CDH23: variants seen among roughly 807,000 people sequenced by gnomAD.
The protein encoded by CDH23 is cadherin related 23.
CDH23 carries 189 observed loss-of-function variants against 317.1 expected under a neutral mutation model. The ratio of observed to expected loss-of-function variants is 0.60; its 90% CI spans 0.53 to 0.67. CDH23 has a LOEUF of 0.67. Among genes scored for constraint, CDH23 ranks in the 30% least tolerant of loss-of-function variants. The probability of loss-of-function intolerance (pLI) is 0.00; values close to 1 mark genes in which losing one functional copy is unlikely to be tolerated. For missense variants in CDH23, 4,401 were observed against 4,592.4 expected, an observed-to-expected ratio of 0.96 and a Z score of 1.20; for synonymous variants, 1,839 against 1,876.8, an observed-to-expected ratio of 0.98 and a Z score of 0.52.
At chr10:71,540,685 G>A (rs1035075751) in intron 6 of CDH23, among the ~76,000 whole-genome samples, 5 of 152,100 alleles carry the variant, frequency 3.3e-5, no homozygotes, top group Non-Finnish European at 5.9e-5. Flanking sequence ...CAGTTGTGCC[G>A]ACCAGGGCCC....
At position 71,546,946 on chromosome 10, in the gene CDH23, A is replaced by G. The variant is rs74855359; in HGVS notation, c.430-19796A>G. Among the ~76,000 whole-genome samples, 89 of 152,362 alleles carry G rather than the reference A, an allele frequency of 5.8e-4. No homozygotes were observed. The East Asian group carries it at 0.01, about 18-fold the overall frequency. ...ACTTCAGAGCTGGTATTTCCCAGCCATCTCATTAAATAGGCAGATGAGGGG... is the reference window on the plus strand; with the variant it reads ...ACTTCAGAGCTGGTATTTCCCAGCCGTCTCATTAAATAGGCAGATGAGGGG... On this transcript the variant is annotated intron_variant, in intron 6 of 69. Transcript: ENST00000224721.
intron 2 of CDH23, among the ~76,000 whole-genome samples, chr10:71,445,502 G>A (rs1850112633): frequency 1.3e-5 from 2 of 152,184 alleles, no homozygotes; most frequent in South Asian, 4.1e-4. Context: ...GAAAGACAAT[G>A]CAAGCCACAT....
intron 38 of CDH23, chr10:71,760,794 A>C: frequency 6.8e-7 from 1 of 1,464,378 alleles, no homozygotes; most frequent in Non-Finnish European, 9.6e-7. Context: ...CCAGAGTTCC[A>C]AACAGGGTCT....
intron 18 of CDH23, among the ~76,000 whole-genome samples, chr10:71,685,550 C>G (rs1221651889): frequency 1.3e-5 from 2 of 152,234 alleles, no homozygotes; most frequent in African/African-American, 4.8e-5. Context: ...TAAGAACCCA[C>G]CTCACTTTGC....
At chr10:71,776,646 T>C (rs768680671) in intron 38 of CDH23, among the ~76,000 whole-genome samples, 1 of 152,180 alleles carries the variant, frequency 6.6e-6, no homozygotes, top group Non-Finnish European at 1.5e-5. Context: ...ACCACTCACA[T>C]GTCCAAAGGG....
intron 9 of CDH23, among the ~76,000 whole-genome samples, chr10:71,582,851 G>A (rs902149435): frequency 6.6e-6 from 1 of 152,222 alleles, no homozygotes; most frequent in Non-Finnish European, 1.5e-5. Flanking sequence ...CTGCAGTTTG[G>A]TCAGGAGACA....
intron 11 of CDH23, among the ~76,000 whole-genome samples, chr10:71,619,067 G>A (rs190328447): frequency 1.4e-4 from 21 of 152,214 alleles, no homozygotes; most frequent in South Asian, 8.3e-4. Flanking sequence ...GGGCACAGTG[G>A]CTCACACCTG....
rs761261625 is a variant in CDH23 at position 71,705,072 on chromosome 10, G to A, written c.2895G>A (p.Val965=). 46 of 1,612,380 alleles carry A rather than the reference G, an allele frequency of 2.9e-5. No individual in the cohort carries two copies. The highest frequency in any genetic ancestry group is 3.9e-5 in the Non-Finnish European group (46 of 1,179,786). Residue 965 remains valine (V), a synonymous_variant, in exon 25 of 70, where the codon GTG becomes GTA. Transcript: ENST00000224721. ...GCATCGCGGAGTACCAGCTGCGGGT[G>A]GTGGCCAGTGATGCAGGCACGCCCA... is the stretch of plus-strand genomic sequence containing the variant. ...RERIAEYQLR[V]VASDAGTPTK...
intron 14 of CDH23, among the ~76,000 whole-genome samples, chr10:71,663,094 A>G (rs1191438692): frequency 2.6e-5 from 4 of 152,214 alleles, no homozygotes; most frequent in African/African-American, 9.6e-5. Flanking sequence ...AATCTTCCAC[A>G]TAATTATTTT....
At chr10:71,790,129 G>C (rs1840103220) in intron 45 of CDH23, among the ~76,000 whole-genome samples, 159 bp from the exon 46 acceptor site, 1 of 152,220 alleles carries the variant, frequency 6.6e-6, no homozygotes, top group Non-Finnish European at 1.5e-5. Context: ...AGTCTGCCAA[G>C]GCTGCCGCAG....
At chr10:71,717,617 A>C (rs1478252823) in intron 28 of CDH23, 3 of 152,268 alleles carry the variant, frequency 2.0e-5, no homozygotes, top group African/African-American at 7.2e-5. Flanking sequence ...CAGATAACAC[A>C]TGACCAGAGG....
chr10:71,575,305 G>A (rs564916634), intron 8 of CDH23, among the ~76,000 whole-genome samples: 126 of 152,252 alleles, frequency 8.3e-4, no homozygotes, highest in African/African-American at 2.6e-3. Flanking sequence ...CCCAAATAAA[G>A]TAACAATCAC....
In CDH23 at chr10:71,722,398, T is replaced by G. The variant is rs142472840; in HGVS notation, c.3370-1647T>G. ...GGCACAGATGGGCTCCTGGAATAAC[T>G]GGGCCCAAGGATGCAAACCAGGGCT... On this transcript the variant is annotated intron_variant, in intron 28 of 69. Coordinates refer to ENST00000224721, the MANE Select transcript of CDH23 (RefSeq NM_022124.6). 2.6e-3 allele frequency among the ~76,000 whole-genome samples: 394 copies of G among 152,346 alleles called. 2 individuals carry two copies. The highest frequency in any genetic ancestry group is 6.8e-3 in the Middle Eastern group (2 of 294).
intron 6 of CDH23, among the ~76,000 whole-genome samples, chr10:71,523,940 T>C (rs1854862500): frequency 6.6e-6 from 1 of 152,216 alleles, no homozygotes; most frequent in African/African-American, 2.4e-5. Flanking sequence ...CCAAGGGCAC[T>C]AGGCCACAGG....
intron 1 of CDH23, among the ~76,000 whole-genome samples, chr10:71,413,147 T>C (rs1219767055): frequency 1.3e-5 from 2 of 152,218 alleles, no homozygotes; most frequent in African/African-American, 2.4e-5. Flanking sequence ...TTTGAGTTAA[T>C]TTTTGTATAT....
chr10:71,735,392 C>T (rs961484897), intron 34 of CDH23, among the ~76,000 whole-genome samples: 11 of 152,162 alleles, frequency 7.2e-5, no homozygotes, highest in South Asian at 4.1e-4. Flanking sequence ...AGAGGCGGCC[C>T]GGCCTGAAGG....
intron 41 of CDH23, among the ~76,000 whole-genome samples, chr10:71,783,761 C>T (rs1223851412): frequency 1.3e-5 from 2 of 152,356 alleles, no homozygotes; most frequent in South Asian, 4.1e-4. Flanking sequence ...GGCTTCCCTG[C>T]CCCTCATCCG....
intron 14 of CDH23, among the ~76,000 whole-genome samples, chr10:71,673,277 A>G (rs1864222560): frequency 6.6e-6 from 1 of 152,142 alleles, no homozygotes; most frequent in African/African-American, 2.4e-5. Context: ...GGGGCCAAGG[A>G]GGTATGGTTT....
At chr10:71,812,443 T>TGCCAAC in intron 66 of CDH23, 37 bp from the exon 67 acceptor site, 1 of 1,538,024 alleles carries the variant, frequency 6.5e-7, no homozygotes, top group Non-Finnish European at 8.9e-7. Flanking sequence ...ACTCGAGCCT[T>TGCCAAC]CCCTCCCTCC....
Sources: gnomAD v4.1 joint callset for allele counts (sites outside exome capture counted in the v4.1 genomes callset) on GRCh38, gnomAD v4.1.1 for gene constraint, MANE v1.5 for transcripts, NCBI Gene and HGNC (gene_info 2026-07-23, HGNC 2026-07-21) for gene names.